Variants in SMYD3 observed in about 807,000 individuals in gnomAD.
SMYD3 encodes histone-lysine N-methyltransferase SMYD3.
In SMYD3, 36 loss-of-function variants were observed where a neutral mutation model predicts 57.7. The observed-to-expected ratio is 0.62, with a 90% confidence interval of 0.48 to 0.82. The LOEUF is 0.82. Ranked by LOEUF, SMYD3 falls within the 40% of genes least tolerant of loss-of-function variation. The pLI, the probability that SMYD3 is intolerant of heterozygous loss-of-function variation, is 0.00. For missense variants in SMYD3, 515 were observed against 538.8 expected, an observed-to-expected ratio of 0.96 and a Z score of 0.44; for synonymous variants, 211 against 195.0, an observed-to-expected ratio of 1.08 and a Z score of -0.68.
In SMYD3 at chr1:245,831,141, G is replaced by A. The variant is rs564871384; in HGVS notation, c.1076+27355C>T. 1.4e-4 allele frequency among the ~76,000 whole-genome samples: 21 copies of A among 152,200 alleles called. No homozygotes were observed. The South Asian group carries it at 3.9e-3, about 29-fold the overall frequency. ...GAATGACAGATTCCCCAATATTTTA[G>A]CAGGGCCTCACCCTCAGTTATTCTT... On this transcript the variant is annotated intron_variant, in intron 10 of 11. Transcript: ENST00000490107.
chr1:246,041,473 C>G (rs7520116), intron 5 of SMYD3, among the ~76,000 whole-genome samples: 66,270 of 152,080 alleles, frequency 0.44, 16,206 homozygotes, highest in East Asian at 0.8. Flanking sequence ...TAGTAAGTTT[C>G]TTATTAGCTT....
chr1:246,013,673 G>C (rs1290991334), intron 5 of SMYD3, among the ~76,000 whole-genome samples: 6 of 152,152 alleles, frequency 3.9e-5, no homozygotes, highest in African/African-American at 1.4e-4. Flanking sequence ...AGCCTAAAGG[G>C]ACACGCCAGG....
At chr1:246,228,249 C>G (rs756512581) in intron 5 of SMYD3, among the ~76,000 whole-genome samples, 1 of 152,136 alleles carries the variant, frequency 6.6e-6, no homozygotes, top group Non-Finnish European at 1.5e-5. Flanking sequence ...GGATTGCAGA[C>G]GTGAGCCACT....
chr1:245,770,091 T>C (rs971704800), intron 10 of SMYD3, among the ~76,000 whole-genome samples: 5 of 152,238 alleles, frequency 3.3e-5, no homozygotes, highest in African/African-American at 7.2e-5. Flanking sequence ...GCAGCTTATC[T>C]GCTGCTGAAA....
At chr1:246,503,174 TA>T (rs2068483292) in intron 1 of SMYD3, among the ~76,000 whole-genome samples, 1 of 152,196 alleles carries the variant, frequency 6.6e-6, no homozygotes, top group African/African-American at 2.4e-5. Flanking sequence ...CTGTTTTCCC[TA>T]CCTCTGTCCC....
intron 9 of SMYD3, among the ~76,000 whole-genome samples, chr1:245,861,319 G>C (rs1461243521): frequency 6.6e-6 from 1 of 152,208 alleles, no homozygotes; most frequent in East Asian, 1.9e-4. Flanking sequence ...TGCACCCAAA[G>C]AGAACAGATT....
chr1:246,429,429 C>T (rs2067267857), intron 1 of SMYD3, among the ~76,000 whole-genome samples: 1 of 152,148 alleles, frequency 6.6e-6, no homozygotes, highest in South Asian at 2.1e-4. Context: ...ATGTAGGACG[C>T]ATCCTAATTT....
At chr1:246,227,546 C>T (rs1432430103) in intron 5 of SMYD3, among the ~76,000 whole-genome samples, 8 of 151,790 alleles carry the variant, frequency 5.3e-5, no homozygotes, top group South Asian at 2.1e-4. Flanking sequence ...ACGTGGGAGG[C>T]GGAGGTTGCA....
intron 5 of SMYD3, among the ~76,000 whole-genome samples, chr1:246,230,779 A>G (rs1558332874): frequency 6.6e-6 from 1 of 152,372 alleles, no homozygotes; most frequent in East Asian, 1.9e-4. Context: ...CACTGGCCAC[A>G]CGTGGCTGTT....
In SMYD3 at chr1:246,104,385, G is replaced by T. The variant is rs1436311659; in HGVS notation, c.532-174448C>A. Among the ~76,000 whole-genome samples the T allele has an allele frequency of 2.6e-5, 4 of 152,224 alleles. No homozygotes were observed. The East Asian group carries it at 7.7e-4, about 29-fold the overall frequency. ...AGAACGGTGCTACTCAGAGCATGCTGTTCACCAGAGACTGTTGTGGATCCA... is the reference window on the plus strand; with the variant it reads ...AGAACGGTGCTACTCAGAGCATGCTTTTCACCAGAGACTGTTGTGGATCCA... On this transcript the variant is annotated intron_variant, in intron 5 of 11. Coordinates refer to ENST00000490107, the MANE Select transcript of SMYD3 (RefSeq NM_001167740.2).
rs1428117962 is a variant in SMYD3 at position 246,428,983 on chromosome 1, T to A, written c.165-73889A>T. 3.4e-5 allele frequency among the ~76,000 whole-genome samples: 4 copies of A among 116,882 alleles called. No individual in the cohort carries two copies. The East Asian group carries it at 1.1e-3, about 31-fold the overall frequency. 76.7% of individuals were successfully genotyped at this position (116,882 alleles called of 152,430 possible). On this transcript the variant is annotated intron_variant, in intron 1 of 11. Transcript: ENST00000490107. ...GTCCTGGAACTACCCTGTACTCATA[T>A]AAAAGGGGAGAGCACAAGCATTCCT...
chr1:246,059,736 T>C (rs2060219157), intron 5 of SMYD3, among the ~76,000 whole-genome samples: 1 of 152,202 alleles, frequency 6.6e-6, no homozygotes, highest in Admixed American at 6.5e-5. Context: ...TAAGATTTCA[T>C]TTTCTGAAAC....
chr1:246,414,778 C>T (rs1191704703), intron 1 of SMYD3, among the ~76,000 whole-genome samples: 2 of 135,446 alleles, frequency 1.5e-5, no homozygotes, highest in Admixed American at 1.7e-4. Context: ...AGTGCAGTGG[C>T]ATGCTATCGG....
intron 5 of SMYD3, among the ~76,000 whole-genome samples, chr1:246,029,218 A>G (rs1474111612): frequency 6.6e-6 from 1 of 152,254 alleles, no homozygotes; most frequent in East Asian, 1.9e-4. Context: ...GCACTATATT[A>G]AACTAAAAGG....
At chr1:246,198,090 G>C (rs1375384748) in intron 5 of SMYD3, among the ~76,000 whole-genome samples, 2 of 152,122 alleles carry the variant, frequency 1.3e-5, no homozygotes, top group Non-Finnish European at 2.9e-5. Flanking sequence ...GGCCCATTCT[G>C]ACATCAGTTA....
chr1:245,759,540 T>C (rs2045752977), intron 11 of SMYD3, among the ~76,000 whole-genome samples: 1 of 152,206 alleles, frequency 6.6e-6, no homozygotes, highest in Non-Finnish European at 1.5e-5. Context: ...TAAGAATCAC[T>C]GTAGCGGATT....
At position 246,135,918 on chromosome 1, in the gene SMYD3, G is replaced by A. The variant is rs1473453036; in HGVS notation, c.531+191283C>T. Among the ~76,000 whole-genome samples, 3 of 152,238 alleles carry A rather than the reference G, an allele frequency of 2.0e-5. No individual in the cohort carries two copies. In the East Asian group the frequency reaches 5.8e-4, roughly 29 times the overall value. ...TTAAAGGCCTCTAGGATTGTATAAT[G>A]TATATCAAGTGTAAGGCTTTCCAAA... is the stretch of plus-strand genomic sequence containing the variant. On this transcript the variant is annotated intron_variant, in intron 5 of 11. Coordinates refer to ENST00000490107, the MANE Select transcript of SMYD3 (RefSeq NM_001167740.2).
chr1:246,018,950 A>G (rs990449452), intron 5 of SMYD3, among the ~76,000 whole-genome samples: 2 of 152,212 alleles, frequency 1.3e-5, no homozygotes, highest in Non-Finnish European at 2.9e-5. Flanking sequence ...AAAGGTATCA[A>G]TGCTTTGGCT....
intron 5 of SMYD3, among the ~76,000 whole-genome samples, chr1:246,221,938 A>G (rs1236450956): frequency 6.6e-6 from 1 of 152,132 alleles, no homozygotes; most frequent in Non-Finnish European, 1.5e-5. Flanking sequence ...AGACCCCATG[A>G]CAGTATGACT....
Sources: gnomAD v4.1 joint callset for allele counts (sites outside exome capture counted in the v4.1 genomes callset) on GRCh38, gnomAD v4.1.1 for gene constraint, MANE v1.5 for transcripts, NCBI Gene and HGNC (gene_info 2026-07-23, HGNC 2026-07-21) for gene names.